Variants in ANO4 observed in about 807,000 individuals in gnomAD.
ANO4 encodes the protein anoctamin 4, also known as anoctamin-4.
In ANO4, 69 loss-of-function variants were observed where a neutral mutation model predicts 141.9. The observed-to-expected ratio is 0.49, with a 90% confidence interval of 0.40 to 0.59. ANO4 has a LOEUF of 0.59. Among genes scored for constraint, ANO4 ranks in the 20% least tolerant of loss-of-function variants. The pLI is 0.00. For missense variants in ANO4, 894 were observed against 1,162.2 expected (o/e 0.77, Z 3.36); for synonymous variants, 350 against 394.3 (o/e 0.89, Z 1.33).
intron 1 of ANO4, among the ~76,000 whole-genome samples, chr12:100,820,070 A>G (rs2035955673): frequency 1.3e-5 from 2 of 150,898 alleles, no homozygotes; most frequent in African/African-American, 4.9e-5. Context: ...CCCTCCCTCT[A>G]TTTCCCTTTT....
rs202022090 is a variant in ANO4 at position 101,116,792 on chromosome 12, A to C, written c.2564A>C (p.Tyr855Ser). The C allele has an allele frequency of 3.0e-4, 490 of 1,614,028 alleles. No homozygotes were observed. Among genetic ancestry groups the C allele is most frequent in the Admixed American group, 1.0e-3 (60 of 59,994 alleles). ...GSEFSGTPLK[Y>S]CRYRDYRDPP... ...GAGTTCTCGGGGACTCCTCTTAAGT[A>C]CTGCAGGTGAGTGTGGCACCCAGCG... is the stretch of plus-strand genomic sequence containing the variant. The change falls in exon 25 of 28, where the codon TAC (tyrosine) becomes TCC (serine). Residue 855 changes from tyrosine (Y) to serine (S), a missense_variant. Physicochemically the swap from Tyr to Ser is moderately radical, Grantham distance 144 (BLOSUM62 -2). Coordinates refer to ENST00000392977, the MANE Select transcript of ANO4 (RefSeq NM_001286615.2).
At chr12:100,987,209 T>C in intron 7 of ANO4, 1 of 215,692 alleles carries the variant, frequency 4.6e-6, no homozygotes, top group Non-Finnish European at 9.4e-6. Flanking sequence ...AGATCTCTGC[T>C]GCTTGCTTAA....
Position 101,068,667 on chromosome 12 carries a change from T to C in ANO4, c.1313-10526T>C. 3.1e-6 allele frequency: 4 copies of C among 1,304,210 alleles called. No individual in the cohort carries two copies. In the South Asian group the frequency reaches 4.7e-5, roughly 15 times the overall value. The allele number at this position is 1,304,210 out of a possible 1,614,324, so 80.8% of individuals were successfully genotyped here. On this transcript the variant is annotated intron_variant, in intron 14 of 27. Coordinates refer to ENST00000392977, the MANE Select transcript of ANO4 (RefSeq NM_001286615.2). The stretch of plus-strand genomic sequence containing the variant: ...TCTTTGAGCAAGAGAATGACTTCCT[T>C]ATTAACTATTAGAGTAGGATCAAAG...
intron 5 of ANO4, among the ~76,000 whole-genome samples, chr12:100,955,242 G>T (rs2043132905): frequency 6.6e-6 from 1 of 152,188 alleles, no homozygotes; most frequent in Non-Finnish European, 1.5e-5. Context: ...AGCAGGACTT[G>T]GTAGGGACAG....
At chr12:100,801,367 G>C (rs1297913557) in intron 1 of ANO4, among the ~76,000 whole-genome samples, 2 of 152,136 alleles carry the variant, frequency 1.3e-5, no homozygotes, top group Non-Finnish European at 2.9e-5. Flanking sequence ...TCCTGATGTA[G>C]TTCATTAGAA....
chr12:101,047,998 T>C, intron 13 of ANO4: 1 of 1,019,490 alleles, frequency 9.8e-7, no homozygotes, highest in Non-Finnish European at 1.2e-6. Context: ...AACAATACCT[T>C]CCTGGTCCTA....
At chr12:100,759,802 C>T (rs2135522212) in intron 3 of ANO4, among the ~76,000 whole-genome samples, 1 of 152,300 alleles carries the variant, frequency 6.6e-6, no homozygotes, top group African/African-American at 2.4e-5. Flanking sequence ...CTGGGCCTCC[C>T]CTGCTGGGGT....
intron 3 of ANO4, among the ~76,000 whole-genome samples, chr12:100,750,311 T>C (rs1235473201): frequency 6.6e-6 from 1 of 151,080 alleles, no homozygotes; most frequent in Admixed American, 6.6e-5. Flanking sequence ...TTTTTTTTTT[T>C]TTTTGTATTT....
intron 22 of ANO4, among the ~76,000 whole-genome samples, chr12:101,100,928 G>A (rs570432835): frequency 9.9e-5 from 15 of 152,148 alleles, no homozygotes; most frequent in Non-Finnish European, 2.1e-4. Flanking sequence ...GTAGATGAGA[G>A]GTTGGCAAAC....
intron 1 of ANO4, among the ~76,000 whole-genome samples, chr12:100,888,362 C>A (rs1198558735): frequency 6.6e-6 from 1 of 152,192 alleles, no homozygotes; most frequent in Non-Finnish European, 1.5e-5. Context: ...TGGAAATTGA[C>A]AAGAGATGGT....
Position 100,942,366 on chromosome 12 carries a change from T to G in ANO4, c.298-11T>G, listed in dbSNP as rs1471189754. Reference sequence around the variant, plus strand: ...AATGACTTAAACTGGTCCCTTTCTCTTTGTGTGCAGACAGTGCCAGAAAGA... The same window carrying G: ...AATGACTTAAACTGGTCCCTTTCTCGTTGTGTGCAGACAGTGCCAGAAAGA... On this transcript the variant is annotated splice_polypyrimidine_tract_variant and intron_variant, in intron 4 of 27. Transcript: ENST00000392977. The G allele has an allele frequency of 2.5e-6, 4 of 1,610,162 alleles. No individual in the cohort carries two copies. The highest frequency in any genetic ancestry group is 2.5e-6 in the Non-Finnish European group (3 of 1,178,890).
At chr12:100,905,546 T>C (rs2040807674) in intron 2 of ANO4, among the ~76,000 whole-genome samples, 2 of 152,156 alleles carry the variant, frequency 1.3e-5, no homozygotes, top group Non-Finnish European at 2.9e-5. Context: ...TGGAGGTCAA[T>C]GGTGATTTTG....
intron 1 of ANO4, among the ~76,000 whole-genome samples, chr12:100,822,266 T>G (rs1482188922): frequency 6.6e-6 from 1 of 152,006 alleles, no homozygotes; most frequent in East Asian, 1.9e-4. Context: ...GGCTGGATCA[T>G]GTGGAGAACT....
At chr12:101,053,658 C>T (rs1046878349) in intron 14 of ANO4, among the ~76,000 whole-genome samples, 7 of 152,168 alleles carry the variant, frequency 4.6e-5, no homozygotes, top group East Asian at 1.9e-4. Context: ...CTTCTCAAGA[C>T]GGTGGTCATA....
At chr12:100,851,534 T>C (rs889281396) in intron 1 of ANO4, among the ~76,000 whole-genome samples, 7 of 152,224 alleles carry the variant, frequency 4.6e-5, no homozygotes, top group African/African-American at 1.7e-4. Context: ...ATATGAAGTC[T>C]ACTAATCTTT....
intron 5 of ANO4, among the ~76,000 whole-genome samples, chr12:100,955,958 T>C (rs1283601712): frequency 6.6e-6 from 1 of 152,170 alleles, no homozygotes; most frequent in African/African-American, 2.4e-5. Flanking sequence ...CACGGATTTC[T>C]CCCTAGTCCA....
intron 1 of ANO4, among the ~76,000 whole-genome samples, chr12:100,876,688 C>T (rs2039325291): frequency 6.6e-6 from 1 of 152,122 alleles, no homozygotes; most frequent in Non-Finnish European, 1.5e-5. Context: ...GCAGATTTCT[C>T]AAGACCATGT....
intron 5 of ANO4, 72 bp downstream of exon 5, chr12:100,942,607 C>T: frequency 1.3e-6 from 2 of 1,483,492 alleles, no homozygotes; most frequent in Non-Finnish European, 1.8e-6. Context: ...AAGAAATAAG[C>T]AAGCAGTCTT....
At chr12:101,067,342 A>T (rs2048635501) in intron 14 of ANO4, among the ~76,000 whole-genome samples, 1 of 152,162 alleles carries the variant, frequency 6.6e-6, no homozygotes, top group South Asian at 2.1e-4. Context: ...TTCCAATGTC[A>T]GTAGAATTGA....
Sources: allele counts gnomAD v4.1 joint callset (sites outside exome capture counted in the v4.1 genomes callset), GRCh38; gene constraint gnomAD v4.1.1; transcripts MANE v1.5; gene names NCBI Gene and HGNC (gene_info 2026-07-23, HGNC 2026-07-21).